The following MBOAT1 variants were observed in gnomAD, a reference collection of about 807,000 sequenced individuals.
MBOAT1 encodes the protein membrane-bound glycerophospholipid O-acyltransferase 1.
A neutral mutation model predicts 64.4 loss-of-function variants in MBOAT1; 67 were observed. The observed-to-expected ratio is 1.04, with a 90% confidence interval of 0.85 to 1.27. The LOEUF (loss-of-function observed/expected upper bound fraction) is 1.27. Among genes scored for constraint, MBOAT1 ranks in the 50% most tolerant of loss-of-function variants. The pLI is 0.00. For missense variants in MBOAT1, 563 were observed against 604.6 expected (o/e 0.93, Z 0.72); for synonymous variants, 229 against 218.9 (o/e 1.05, Z -0.41).
intron 6 of MBOAT1, among the ~76,000 whole-genome samples, chr6:20,127,599 C>T (rs777694951): frequency 6.6e-6 from 1 of 152,164 alleles, no homozygotes; most frequent in Non-Finnish European, 1.5e-5. Flanking sequence ...GTGAACCGTG[C>T]ATGCCAGGGA....
intron 12 of MBOAT1, among the ~76,000 whole-genome samples, chr6:20,105,388 A>G (rs761992439): frequency 2.0e-5 from 3 of 152,214 alleles, no homozygotes; most frequent in Non-Finnish European, 4.4e-5. Flanking sequence ...TCAGGCACTG[A>G]CCTAAGGACT....
In MBOAT1 at chr6:20,212,292, G is replaced by T; in HGVS notation, c.-58C>A. 2.0e-6 allele frequency: 3 copies of T among 1,515,854 alleles called. No individual in the cohort carries two copies. The highest frequency in any genetic ancestry group is 1.8e-6 in the Non-Finnish European group (2 of 1,112,768). 93.9% of individuals were successfully genotyped at this position (1,515,854 alleles called of 1,614,324 possible). A position where few individuals can be genotyped will look rare whatever the true frequency, so the allele number is the denominator to read the frequency against. ...CAGCCCGCAACACCCCCTGCTCGGC[G>T]TCCTCCCGCCCGGGTGCTCTTGGGT... On this transcript the variant is annotated 5_prime_UTR_variant, in exon 1 of 13. Coordinates refer to ENST00000324607, the MANE Select transcript of MBOAT1 (RefSeq NM_001080480.3).
intron 1 of MBOAT1, among the ~76,000 whole-genome samples, chr6:20,187,658 T>G (rs1762692328): frequency 6.6e-6 from 1 of 152,176 alleles, no homozygotes; most frequent in Non-Finnish European, 1.5e-5. Flanking sequence ...GATTCATGAA[T>G]ATGAAAGAAT....
At chr6:20,205,616 G>A (rs1248670796) in intron 1 of MBOAT1, among the ~76,000 whole-genome samples, 9 of 152,080 alleles carry the variant, frequency 5.9e-5, no homozygotes, top group East Asian at 3.9e-4. Context: ...CATGGAGACC[G>A]CCCATCTTCA....
intron 1 of MBOAT1, among the ~76,000 whole-genome samples, chr6:20,185,922 C>G (rs537039678): frequency 1.6e-4 from 25 of 152,262 alleles, no homozygotes; most frequent in African/African-American, 6.0e-4. Flanking sequence ...GGGCTCATGC[C>G]TCTAATCCCG....
chr6:20,176,605 G>A (rs2113733951), intron 1 of MBOAT1, among the ~76,000 whole-genome samples: 1 of 152,256 alleles, frequency 6.6e-6, no homozygotes, highest in East Asian at 1.9e-4. Flanking sequence ...TAATGATGAT[G>A]ATTTTTACTT....
intron 1 of MBOAT1, among the ~76,000 whole-genome samples, chr6:20,162,458 G>A (rs1561770316): frequency 6.6e-6 from 1 of 152,012 alleles, no homozygotes; most frequent in Non-Finnish European, 1.5e-5. Flanking sequence ...ACCTATAATG[G>A]GTACAATGGG....
chr6:20,209,770 G>T (rs1317450911), intron 1 of MBOAT1, among the ~76,000 whole-genome samples: 1 of 152,206 alleles, frequency 6.6e-6, no homozygotes, highest in East Asian at 1.9e-4. Flanking sequence ...TTACTCCCTA[G>T]ATCTGCCTCC....
intron 1 of MBOAT1, among the ~76,000 whole-genome samples, chr6:20,183,360 G>A (rs1762562186): frequency 6.6e-6 from 1 of 152,188 alleles, no homozygotes; most frequent in African/African-American, 2.4e-5. Flanking sequence ...AACCAGCTGA[G>A]CCAGGTACAG....
chr6:20,147,155 C>T (rs964940930), intron 3 of MBOAT1, among the ~76,000 whole-genome samples: 3 of 152,208 alleles, frequency 2.0e-5, no homozygotes, highest in Admixed American at 6.5e-5. Flanking sequence ...TCTCCAGCCA[C>T]GTGGAACTGT....
At chr6:20,122,239 C>G (rs1760513771) in intron 8 of MBOAT1, among the ~76,000 whole-genome samples, 1 of 152,188 alleles carries the variant, frequency 6.6e-6, no homozygotes, top group Non-Finnish European at 1.5e-5. Flanking sequence ...CATAGCAGGT[C>G]TAATGCCTAC....
At chr6:20,178,841 G>A (rs1356305089) in intron 1 of MBOAT1, among the ~76,000 whole-genome samples, 1 of 152,080 alleles carries the variant, frequency 6.6e-6, no homozygotes, top group African/African-American at 2.4e-5. Flanking sequence ...TAGTCCCTGA[G>A]GGGCTAAGCT....
chr6:20,115,574 T>G (rs1760295154), intron 9 of MBOAT1, among the ~76,000 whole-genome samples: 1 of 152,226 alleles, frequency 6.6e-6, no homozygotes, highest in African/African-American at 2.4e-5. Flanking sequence ...CAATTTTTTT[T>G]CAACATGTAT....
intron 5 of MBOAT1, 71 bp downstream of exon 5, chr6:20,131,073 C>T (rs1382852309): frequency 2.2e-6 from 3 of 1,340,700 alleles, no homozygotes; most frequent in Admixed American, 3.4e-5. Flanking sequence ...GGACTGTGTA[C>T]ATAGTATAAA....
Position 20,107,323 on chromosome 6 carries a change from G to C in MBOAT1, c.1361+2275C>G, listed in dbSNP as rs190000006. ...GCTCGGAGCTTCGTGCTACACTATGGGGGGCTACATGACGGGGCTTTTCCA... is the reference window on the plus strand; with the variant it reads ...GCTCGGAGCTTCGTGCTACACTATGCGGGGCTACATGACGGGGCTTTTCCA... On this transcript the variant is annotated intron_variant, in intron 12 of 12. Transcript: ENST00000324607. Among the ~76,000 whole-genome samples the C allele has an allele frequency of 4.6e-5, 7 of 152,158 alleles. No individual in the cohort carries two copies. The South Asian group carries it at 1.5e-3, about 32-fold the overall frequency.
At chr6:20,107,461 G>A (rs1198840153) in intron 12 of MBOAT1, among the ~76,000 whole-genome samples, 1 of 152,150 alleles carries the variant, frequency 6.6e-6, no homozygotes, top group East Asian at 1.9e-4. Context: ...AGCTCAAAAA[G>A]ATGCCCCCAG....
At chr6:20,172,108 T>A (rs769906668) in intron 1 of MBOAT1, among the ~76,000 whole-genome samples, 2 of 151,536 alleles carry the variant, frequency 1.3e-5, no homozygotes, top group Non-Finnish European at 2.9e-5. Context: ...AGATAGTAAG[T>A]ATAATGGGAC....
chr6:20,141,346 T>C (rs889761505), intron 4 of MBOAT1, among the ~76,000 whole-genome samples: 2 of 108,932 alleles, frequency 1.8e-5, no homozygotes, highest in African/African-American at 6.3e-5. Context: ...TTTTTTCTTT[T>C]CTTTTTCTTT....
In MBOAT1 at chr6:20,101,119, C is replaced by T. The variant is rs1234726036; in HGVS notation, c.*1167G>A. On this transcript the variant is annotated 3_prime_UTR_variant, in exon 13 of 13. Transcript: ENST00000324607. ...GAAAAGAGAGAAACAACTGCTTCTT[C>T]TTACCAAACTTCTATATAACTTCAA... Among the ~76,000 whole-genome samples the T allele has an allele frequency of 1.3e-5, 2 of 152,136 alleles. No homozygotes were observed. Among genetic ancestry groups the T allele is most frequent in the African/African-American group, 4.8e-5 (2 of 41,418 alleles).
Sources: gnomAD v4.1 joint callset for allele counts (sites outside exome capture counted in the v4.1 genomes callset) on GRCh38, gnomAD v4.1.1 for gene constraint, MANE v1.5 for transcripts, NCBI Gene and HGNC (gene_info 2026-07-23, HGNC 2026-07-21) for gene names.